ELOVL6: variants seen among roughly 807,000 people sequenced by gnomAD.
ELOVL6 encodes the protein very long chain fatty acid elongase 6.
ELOVL6 carries 8 observed loss-of-function variants against 31.7 expected under a neutral mutation model. The ratio of observed to expected loss-of-function variants is 0.25; its 90% CI spans 0.15 to 0.45. The LOEUF (loss-of-function observed/expected upper bound fraction) is 0.45. Among genes scored for constraint, ELOVL6 ranks in the 20% least tolerant of loss-of-function variants. The pLI is 1.00. For synonymous variants in ELOVL6, 101 were observed against 117.7 expected, an observed-to-expected ratio of 0.86 and a Z score of 0.92; for missense variants, 126 against 326.4, an observed-to-expected ratio of 0.39 and a Z score of 4.73.
intron 1 of ELOVL6, among the ~76,000 whole-genome samples, chr4:110,132,963 A>C (rs1757710309): frequency 6.6e-6 from 1 of 152,186 alleles, no homozygotes; most frequent in Non-Finnish European, 1.5e-5. Context: ...AGGGCTAAAG[A>C]TATCTATTTG....
At chr4:110,099,772 T>C (rs1010067216) in intron 2 of ELOVL6, among the ~76,000 whole-genome samples, 4 of 152,082 alleles carry the variant, frequency 2.6e-5, no homozygotes, top group African/African-American at 9.7e-5. Flanking sequence ...CTGGACCCAA[T>C]CTAGAAGGAT....
chr4:110,113,740 C>T (rs773139108), intron 1 of ELOVL6, among the ~76,000 whole-genome samples: 42 of 152,012 alleles, frequency 2.8e-4, no homozygotes, highest in Non-Finnish European at 4.7e-4. Flanking sequence ...TTCCAGGTAA[C>T]GATCTAGTGA....
intron 1 of ELOVL6, among the ~76,000 whole-genome samples, chr4:110,170,462 T>G (rs539996770): frequency 1.0e-3 from 159 of 152,386 alleles, no homozygotes; most frequent in Non-Finnish European, 2.0e-3. Context: ...TTTGTGGTCA[T>G]GCAAAGAGCA....
chr4:110,057,656 GC>G (rs1229749612), intron 3 of ELOVL6, among the ~76,000 whole-genome samples: 1 of 151,862 alleles, frequency 6.6e-6, no homozygotes, highest in Non-Finnish European at 1.5e-5. Context: ...TTCAAGTCCA[GC>G]CTGGCCAACA....
intron 2 of ELOVL6, among the ~76,000 whole-genome samples, chr4:110,084,288 C>T (rs1216509678): frequency 1.9e-5 from 2 of 104,224 alleles, no homozygotes; most frequent in African/African-American, 1.1e-4. Flanking sequence ...ACATATATAA[C>T]TTATATATGA....
At chr4:110,080,167 G>A (rs531112369) in intron 2 of ELOVL6, among the ~76,000 whole-genome samples, 19 of 152,320 alleles carry the variant, frequency 1.2e-4, no homozygotes, top group African/African-American at 4.3e-4. Context: ...GAGGTACAAG[G>A]AGGAGCTGGT....
In ELOVL6 at chr4:110,084,091, AAC is replaced by A. The variant is rs1198837685; in HGVS notation, c.221+21404_221+21405del. On this transcript the variant is annotated intron_variant, in intron 2 of 3. Transcript: ENST00000302274. ...CATATATATGCTATATATGATATAT[AAC>A]ATATATATGATATATATGATATATA... Among the ~76,000 whole-genome samples, 3 of 109,838 alleles carry A rather than the reference AAC, an allele frequency of 2.7e-5. 1 individual carries two copies. Among genetic ancestry groups the A allele is most frequent in the African/African-American group, 5.9e-5 (2 of 33,648 alleles). The allele number at this position is 109,838 out of a possible 152,430, so 72.1% of individuals were successfully genotyped here.
intron 1 of ELOVL6, 130 bp downstream of exon 1, chr4:110,198,117 A>C: frequency 3.2e-5 from 16 of 501,692 alleles, no homozygotes; most frequent in East Asian, 5.6e-5. Context: ...AGACCCGAGA[A>C]CTCAGCGATC....
At chr4:110,150,777 T>C (rs1190673026) in intron 1 of ELOVL6, among the ~76,000 whole-genome samples, 5 of 152,160 alleles carry the variant, frequency 3.3e-5, no homozygotes. Context: ...GCACGGTGGC[T>C]CAGGCCTGTA....
chr4:110,059,519 T>C (rs1560800924), intron 3 of ELOVL6, 84 bp downstream of exon 3: 62 of 1,444,544 alleles, frequency 4.3e-5, no homozygotes, highest in Non-Finnish European at 5.8e-5. Flanking sequence ...AATAGGACCT[T>C]CAAAATGTTT....
At chr4:110,069,385 A>C (rs1406391251) in intron 2 of ELOVL6, among the ~76,000 whole-genome samples, 2 of 151,446 alleles carry the variant, frequency 1.3e-5, no homozygotes, top group South Asian at 4.2e-4. Flanking sequence ...CCTCGACCCC[A>C]TCAAGGCCAG....
chr4:110,157,717 A>AT (rs1758491639), intron 1 of ELOVL6, among the ~76,000 whole-genome samples: 1 of 152,224 alleles, frequency 6.6e-6, no homozygotes, highest in Admixed American at 6.5e-5. Context: ...TAAGAAAATC[A>AT]TCAACTCAAT....
chr4:110,094,079 G>T (rs376139592), intron 2 of ELOVL6, among the ~76,000 whole-genome samples: 1 of 151,818 alleles, frequency 6.6e-6, no homozygotes. Flanking sequence ...GCAAAAGCCC[G>T]TCTCTACCAA....
At chr4:110,101,210 T>C (rs540785357) in intron 2 of ELOVL6, among the ~76,000 whole-genome samples, 2 of 152,202 alleles carry the variant, frequency 1.3e-5, no homozygotes, top group African/African-American at 2.4e-5. Flanking sequence ...TGGCTAATTT[T>C]TGTAATTTTA....
intron 2 of ELOVL6, among the ~76,000 whole-genome samples, chr4:110,081,385 C>G (rs982642883): frequency 3.3e-5 from 5 of 152,058 alleles, no homozygotes; most frequent in Non-Finnish European, 7.4e-5. Context: ...GTACTGGTAC[C>G]AAAACAGAGA....
intron 1 of ELOVL6, among the ~76,000 whole-genome samples, chr4:110,170,333 T>C (rs1225800976): frequency 6.6e-6 from 1 of 152,252 alleles, no homozygotes; most frequent in Non-Finnish European, 1.5e-5. Flanking sequence ...GAACTTTGCA[T>C]GTTACTTCTA....
At chr4:110,115,902 T>C (rs1327553857) in intron 1 of ELOVL6, among the ~76,000 whole-genome samples, 1 of 152,158 alleles carries the variant, frequency 6.6e-6, no homozygotes, top group African/African-American at 2.4e-5. Context: ...TTTTCCAACA[T>C]CTAGAGTCCA....
chr4:110,069,250 T>C (rs956084438), intron 2 of ELOVL6, among the ~76,000 whole-genome samples: 3 of 151,814 alleles, frequency 2.0e-5, no homozygotes, highest in Non-Finnish European at 2.9e-5. Context: ...ATTTATAACA[T>C]TTTGAGATTC....
chr4:110,109,584 A>G (rs1217191758), intron 1 of ELOVL6, among the ~76,000 whole-genome samples: 5 of 152,284 alleles, frequency 3.3e-5, no homozygotes, highest in Admixed American at 2.6e-4. Flanking sequence ...TTTGATTCTT[A>G]CCAGAGTAGC....
Sources: gnomAD v4.1 joint callset for allele counts (sites outside exome capture counted in the v4.1 genomes callset) on GRCh38, gnomAD v4.1.1 for gene constraint, MANE v1.5 for transcripts, NCBI Gene and HGNC (gene_info 2026-07-23, HGNC 2026-07-21) for gene names.